Variants in SAMD5 observed in about 807,000 individuals in gnomAD.
SAMD5 encodes sterile alpha motif domain-containing protein 5.
A neutral mutation model predicts 11.3 loss-of-function variants in SAMD5; 13 were observed. The observed-to-expected ratio is 1.15, with a 90% CI of 0.75 to 1.83. The LOEUF (loss-of-function observed/expected upper bound fraction) is 1.83. Among genes scored for constraint, SAMD5 ranks in the 40% most tolerant of loss-of-function variants. SAMD5 has a pLI of 0.00. For synonymous variants in SAMD5, 129 were observed against 111.3 expected, an observed-to-expected ratio of 1.16 and a Z score of -1.00; for missense variants, 255 against 239.1, an observed-to-expected ratio of 1.07 and a Z score of -0.44.
At chr6:147,756,748 C>G in the SAMD5 span, among the ~76,000 whole-genome samples, 1 of 152,184 alleles carries the variant, frequency 6.6e-6, no homozygotes, top group Middle Eastern at 3.2e-3. Flanking sequence ...AAGTCTGTAG[C>G]CACCATTTGT....
At chr6:147,853,237 A>C in the SAMD5 span, among the ~76,000 whole-genome samples, 1 of 152,028 alleles carries the variant, frequency 6.6e-6, no homozygotes, top group Non-Finnish European at 1.5e-5. Flanking sequence ...CAGTAATTGG[A>C]TTGTCACTTG....
chr6:147,575,041 C>G (rs530079575), intron 1 of SAMD5, among the ~76,000 whole-genome samples: 1 of 152,304 alleles, frequency 6.6e-6, no homozygotes, highest in African/African-American at 2.4e-5. Context: ...TTATTTTCAA[C>G]TTACTGATAG....
chr6:147,910,944 T>C, the SAMD5 span, among the ~76,000 whole-genome samples: 1 of 152,348 alleles, frequency 6.6e-6, no homozygotes, highest in South Asian at 2.1e-4. Context: ...TTGTTGACGC[T>C]AGTCACATTT....
the SAMD5 span, among the ~76,000 whole-genome samples, chr6:147,861,061 C>A: frequency 6.6e-6 from 1 of 152,178 alleles, no homozygotes; most frequent in Non-Finnish European, 1.5e-5. Context: ...GCCTTTCCCG[C>A]TGACAGGATG....
the SAMD5 span, among the ~76,000 whole-genome samples, chr6:147,889,273 C>G: frequency 6.6e-6 from 1 of 152,280 alleles, no homozygotes; most frequent in East Asian, 1.9e-4. Flanking sequence ...TTAAACCCAT[C>G]CACTGTATTT....
the SAMD5 span, among the ~76,000 whole-genome samples, chr6:147,836,063 A>G: frequency 6.6e-6 from 1 of 152,148 alleles, no homozygotes; most frequent in Admixed American, 6.5e-5. Flanking sequence ...AGTGGTTTCT[A>G]TTTCCCTAGT....
downstream of SAMD5, among the ~76,000 whole-genome samples, chr6:147,738,409 T>C (rs575402013): frequency 5.2e-4 from 79 of 152,202 alleles, no homozygotes; most frequent in African/African-American, 1.9e-3. Flanking sequence ...AAGCACATAA[T>C]CAGATAAGCA....
the SAMD5 span, among the ~76,000 whole-genome samples, chr6:147,820,680 G>A: frequency 1.5e-4 from 23 of 152,308 alleles, no homozygotes; most frequent in Non-Finnish European, 2.8e-4. Flanking sequence ...CAAGTTGGGC[G>A]ACAGAGTGTT....
intron 1 of SAMD5, among the ~76,000 whole-genome samples, chr6:147,719,499 C>T (rs1433417051): frequency 2.0e-5 from 3 of 152,148 alleles, no homozygotes; most frequent in Non-Finnish European, 1.5e-5. Context: ...GCTCTGTTTG[C>T]TGAGCCCATT....
rs1789027855 is a variant in SAMD5 at position 147,565,723 on chromosome 6, G to C, written c.*1267G>C. 16 of 972,650 alleles carry C rather than the reference G, an allele frequency of 1.6e-5. No homozygotes were observed. Among genetic ancestry groups the C allele is most frequent in the Non-Finnish European group, 1.8e-5 (15 of 818,424 alleles). 60.3% of individuals were successfully genotyped at this position (972,650 alleles called of 1,614,324 possible). A position where few individuals can be genotyped will look rare whatever the true frequency, so the allele number is the denominator to read the frequency against. ...GATCCACTCGCCGTGGCCTCCAGTA[G>C]CGCTGGGATTACAGGCGTGAGCCAT... On this transcript the variant is annotated 3_prime_UTR_variant, in exon 2 of 2. Coordinates refer to ENST00000367474, the MANE Select transcript of SAMD5 (RefSeq NM_001030060.3).
the SAMD5 span, among the ~76,000 whole-genome samples, chr6:147,875,533 A>G: frequency 1.3e-5 from 2 of 152,058 alleles, no homozygotes; most frequent in African/African-American, 2.4e-5. Flanking sequence ...TGAGTGTTCT[A>G]TCCCCTAGAA....
chr6:147,811,991 G>C, the SAMD5 span, among the ~76,000 whole-genome samples: 1 of 152,108 alleles, frequency 6.6e-6, no homozygotes, highest in Admixed American at 6.6e-5. Context: ...CTTTTGGGGA[G>C]AGAGGGGAGT....
the SAMD5 span, among the ~76,000 whole-genome samples, chr6:147,787,976 A>G: frequency 3.9e-5 from 6 of 152,344 alleles, no homozygotes; most frequent in Admixed American, 2.0e-4. Flanking sequence ...CAAGGGTTGC[A>G]TAAGTATTCG....
chr6:147,544,243 G>A (rs1788650912), intron 1 of SAMD5, among the ~76,000 whole-genome samples: 1 of 152,002 alleles, frequency 6.6e-6, no homozygotes, highest in South Asian at 2.1e-4. Context: ...CAGTATTTAT[G>A]GAATATTTAT....
chr6:147,560,639 C>A (rs1407701868), intron 1 of SAMD5, among the ~76,000 whole-genome samples: 1 of 152,096 alleles, frequency 6.6e-6, no homozygotes, highest in Non-Finnish European at 1.5e-5. Flanking sequence ...AGGAAAATCA[C>A]AAGCTAAAAA....
At chr6:147,743,358 T>A in the SAMD5 span, 1 of 152,152 alleles carries the variant, frequency 6.6e-6, no homozygotes, top group East Asian at 1.9e-4. Context: ...ATACAAAAAA[T>A]CAGCCAGGCG....
chr6:147,759,019 G>T, the SAMD5 span, among the ~76,000 whole-genome samples: 1 of 152,196 alleles, frequency 6.6e-6, no homozygotes, highest in African/African-American at 2.4e-5. Flanking sequence ...CCTTAAGAGA[G>T]GAATGGGGTA....
In SAMD5 at chr6:147,569,292, T is replaced by C; in HGVS notation, c.*4836T>C. On this transcript the variant is annotated 3_prime_UTR_variant, in exon 2 of 2. Coordinates refer to ENST00000367474, the MANE Select transcript of SAMD5 (RefSeq NM_001030060.3). The stretch of plus-strand genomic sequence containing the variant: ...CTTTTCTACTTATGAAATAGATAAT[T>C]TTTTAAAATTGTTTAAACTCCTGGA... 1 of 433,738 alleles carries C rather than the reference T, an allele frequency of 2.3e-6. No individual in the cohort carries two copies. The highest frequency in any genetic ancestry group is 3.1e-6 in the Non-Finnish European group (1 of 325,938). The allele number at this position is 433,738 out of a possible 1,614,324, so 26.9% of individuals were successfully genotyped here. A position where few individuals can be genotyped will look rare whatever the true frequency, so the allele number is the denominator to read the frequency against.
intron 1 of SAMD5, among the ~76,000 whole-genome samples, chr6:147,642,254 TA>T (rs1315312122): frequency 1.3e-5 from 2 of 152,244 alleles, no homozygotes; most frequent in African/African-American, 4.8e-5. Flanking sequence ...TAAAAGTTTT[TA>T]TCTTTTTGTT....
Sources: gnomAD v4.1 joint callset for allele counts (sites outside exome capture counted in the v4.1 genomes callset) on GRCh38, gnomAD v4.1.1 for gene constraint, MANE v1.5 for transcripts, NCBI Gene and HGNC (gene_info 2026-07-23, HGNC 2026-07-21) for gene names.